CALN1: variants seen among roughly 807,000 people sequenced by gnomAD.
CALN1 encodes calcium-binding protein 8.
A neutral mutation model predicts 30.6 loss-of-function variants in CALN1; 17 were observed. The observed-to-expected ratio is 0.56, with a 90% CI of 0.38 to 0.83. The LOEUF is 0.83. Among genes scored for constraint, CALN1 ranks in the 40% least tolerant of loss-of-function variants. The probability of loss-of-function intolerance (pLI) is 0.00; values close to 1 mark genes in which losing one functional copy is unlikely to be tolerated. For synonymous variants in CALN1, 156 were observed against 131.4 expected, an observed-to-expected ratio of 1.19 and a Z score of -1.28; for missense variants, 291 against 354.9, an observed-to-expected ratio of 0.82 and a Z score of 1.45.
intron 3 of CALN1, among the ~76,000 whole-genome samples, chr7:72,184,514 T>C (rs1585114190): frequency 6.6e-6 from 1 of 152,266 alleles, no homozygotes; most frequent in African/African-American, 2.4e-5. Flanking sequence ...GACACAGTTC[T>C]GGCACATAGG....
At chr7:71,994,487 G>A (rs969969946) in intron 5 of CALN1, among the ~76,000 whole-genome samples, 1 of 146,678 alleles carries the variant, frequency 6.8e-6, no homozygotes, top group Non-Finnish European at 1.5e-5. Flanking sequence ...ACTCCACCCT[G>A]GGCGACAGAG....
chr7:72,225,019 A>G (rs192648792), intron 3 of CALN1, among the ~76,000 whole-genome samples: 1 of 151,748 alleles, frequency 6.6e-6, no homozygotes, highest in Non-Finnish European at 1.5e-5. Context: ...AACGGCATGC[A>G]TGAACCCAGG....
chr7:72,364,793 T>C (rs1215993887), intron 2 of CALN1, among the ~76,000 whole-genome samples: 1 of 152,182 alleles, frequency 6.6e-6, no homozygotes, highest in Non-Finnish European at 1.5e-5. Context: ...CCCATAAATA[T>C]ATAAAATTGA....
At chr7:72,498,373 C>A in the CALN1 span, among the ~76,000 whole-genome samples, 2 of 151,688 alleles carry the variant, frequency 1.3e-5, no homozygotes, top group African/African-American at 2.4e-5. Flanking sequence ...AAAACTTATA[C>A]CTAGCCACAT....
rs186872051 is a variant in CALN1 at position 72,330,353 on chromosome 7, A to G, written c.120-51543T>C. 6.8e-3 allele frequency among the ~76,000 whole-genome samples: 1,030 copies of G among 151,920 alleles called. 12 individuals are homozygous for G. The highest frequency in any genetic ancestry group is 0.024 in the African/African-American group (987 of 41,394). On this transcript the variant is annotated intron_variant, in intron 2 of 6. Transcript: ENST00000395275. ...TGTGGTGGTGTACGTCTGTAATCCCAGCTTCCCGGAAGGCTGAGGCAGAAG... is the reference window on the plus strand; with the variant it reads ...TGTGGTGGTGTACGTCTGTAATCCCGGCTTCCCGGAAGGCTGAGGCAGAAG...
chr7:72,020,895 G>A (rs893216917), intron 5 of CALN1, among the ~76,000 whole-genome samples: 2 of 152,116 alleles, frequency 1.3e-5, no homozygotes, highest in African/African-American at 4.8e-5. Flanking sequence ...CCAGATGAGG[G>A]CCAGAAAGAA....
chr7:71,917,770 G>C (rs112177467), intron 5 of CALN1, among the ~76,000 whole-genome samples: 5 of 152,166 alleles, frequency 3.3e-5, no homozygotes, highest in African/African-American at 1.2e-4. Flanking sequence ...CACCCTTGAC[G>C]TGTGGGGATT....
the CALN1 span, among the ~76,000 whole-genome samples, chr7:72,501,477 AGGAAGGAG>A: frequency 1.4e-4 from 20 of 141,150 alleles, no homozygotes; most frequent in Non-Finnish European, 4.6e-5. Context: ...AGGAGGAAGA[AGGAAGGAG>A]GGAAGGAAGG....
At chr7:71,968,193 C>T (rs1797621839) in intron 5 of CALN1, among the ~76,000 whole-genome samples, 1 of 151,972 alleles carries the variant, frequency 6.6e-6, no homozygotes, top group Non-Finnish European at 1.5e-5. Flanking sequence ...GTAGTACACT[C>T]CTGAACAAAA....
rs1791629121 is a variant in CALN1 at position 72,203,977 on chromosome 7, CTCTTTTTTTTTTT to C, written c.244+74696_244+74708del. On this transcript the variant is annotated intron_variant, in intron 3 of 6. Transcript: ENST00000395275. The stretch of plus-strand genomic sequence containing the variant: ...CATAGCCTTCATATAAGAGGCCTCT[CTCTTTTTTTTTTT>C]TTTTTTTTTTTTTTTTTTTGAGACA... Among the ~76,000 whole-genome samples, 4 of 92,284 alleles carry C rather than the reference CTCTTTTTTTTTTT, an allele frequency of 4.3e-5. No homozygotes were observed. In the East Asian group the frequency reaches 3.8e-3, roughly 87 times the overall value. The allele number at this position is 92,284 out of a possible 152,430, so 60.5% of individuals were successfully genotyped here.
chr7:72,386,882 G>C (rs1265648375), intron 2 of CALN1, among the ~76,000 whole-genome samples: 2 of 151,992 alleles, frequency 1.3e-5, no homozygotes, highest in East Asian at 1.9e-4. Context: ...TATAGATACA[G>C]ATGGTTACAT....
intron 2 of CALN1, among the ~76,000 whole-genome samples, chr7:72,335,677 C>A (rs753742603): frequency 8.5e-5 from 13 of 152,242 alleles, no homozygotes; most frequent in Non-Finnish European, 1.5e-4. Flanking sequence ...CACCCAGGAG[C>A]TACGGGCTTC....
intron 3 of CALN1, among the ~76,000 whole-genome samples, chr7:72,127,792 T>C (rs1388122177): frequency 6.7e-6 from 1 of 148,646 alleles, no homozygotes; most frequent in Non-Finnish European, 1.5e-5. Flanking sequence ...GAACAGTAAC[T>C]AATAACAGCC....
At chr7:72,401,054 G>A (rs1806303544) in intron 2 of CALN1, among the ~76,000 whole-genome samples, 2 of 152,112 alleles carry the variant, frequency 1.3e-5, no homozygotes, top group Non-Finnish European at 2.9e-5. Flanking sequence ...GTGAGAGGAG[G>A]GCCCTGGTGC....
At chr7:72,061,910 T>C (rs1229035345) in intron 4 of CALN1, among the ~76,000 whole-genome samples, 2 of 151,410 alleles carry the variant, frequency 1.3e-5, no homozygotes, top group Non-Finnish European at 2.9e-5. Context: ...ATCAAATTGC[T>C]GAAGAATAAA....
chr7:72,148,263 T>TA (rs1786927243), intron 3 of CALN1, among the ~76,000 whole-genome samples: 1 of 126,790 alleles, frequency 7.9e-6, no homozygotes, highest in Admixed American at 7.6e-5. Flanking sequence ...ATGTGGTTGT[T>TA]TAAAAAAAAA....
upstream of CALN1, among the ~76,000 whole-genome samples, chr7:72,416,582 A>G (rs541947146): frequency 1.3e-5 from 2 of 152,140 alleles, no homozygotes; most frequent in South Asian, 4.2e-4. Flanking sequence ...TAAAAATTCA[A>G]AACTTAGCTG....
At chr7:72,169,662 A>AT (rs200562127) in intron 3 of CALN1, among the ~76,000 whole-genome samples, 2,426 of 151,026 alleles carry the variant, frequency 0.016, 67 homozygotes, top group African/African-American at 0.055. Flanking sequence ...TAAGGCTTTA[A>AT]TTTTTTTTGT....
At chr7:71,819,985 G>T (rs1788499509) in intron 5 of CALN1, among the ~76,000 whole-genome samples, 1 of 152,072 alleles carries the variant, frequency 6.6e-6, no homozygotes. Flanking sequence ...AATTGAACAT[G>T]ACTCATTATA....
Sources: allele counts gnomAD v4.1 joint callset (sites outside exome capture counted in the v4.1 genomes callset), GRCh38; gene constraint gnomAD v4.1.1; transcripts MANE v1.5; gene names NCBI Gene and HGNC (gene_info 2026-07-23, HGNC 2026-07-21).